Variants in FTCDNL1 observed in about 807,000 individuals in gnomAD.
FTCDNL1 encodes the protein formiminotransferase cyclodeaminase N-terminal like.
Under a neutral mutation model 5.9 loss-of-function variants are expected in FTCDNL1, and 11 were observed. The ratio of observed to expected loss-of-function variants is 1.87; its 90% CI spans 1.18 to 3.10. The LOEUF (loss-of-function observed/expected upper bound fraction) is 3.10. Ranked by LOEUF, FTCDNL1 falls within the 30% of genes most tolerant of loss-of-function variation. The pLI is 0.00. For synonymous variants in FTCDNL1, 58 were observed against 24.8 expected, an observed-to-expected ratio of 2.34 and a Z score of -3.99; for missense variants, 115 against 65.5, an observed-to-expected ratio of 1.76 and a Z score of -2.61.
At chr2:199,698,264 T>G in the FTCDNL1 span, among the ~76,000 whole-genome samples, 1 of 152,276 alleles carries the variant, frequency 6.6e-6, no homozygotes, top group Middle Eastern at 3.4e-3. Context: ...GGACCTAAAC[T>G]TGACACTTGA....
At chr2:199,813,496 G>C (rs1002115877) in intron 4 of FTCDNL1, among the ~76,000 whole-genome samples, 1 of 152,156 alleles carries the variant, frequency 6.6e-6, no homozygotes, top group Non-Finnish European at 1.5e-5. Context: ...TGAGGAGAGA[G>C]CTGGGATGGT....
chr2:199,830,785 A>T (rs1354047205), intron 3 of FTCDNL1, among the ~76,000 whole-genome samples: 1 of 152,230 alleles, frequency 6.6e-6, no homozygotes, highest in Non-Finnish European at 1.5e-5. Flanking sequence ...ACAGAAATTT[A>T]TTGTGCTAGA....
At chr2:199,845,657 T>C (rs972121877) in intron 3 of FTCDNL1, among the ~76,000 whole-genome samples, 3 of 152,098 alleles carry the variant, frequency 2.0e-5, no homozygotes, top group African/African-American at 7.2e-5. Context: ...ATAAGACATG[T>C]CAACTCATGG....
the FTCDNL1 span, among the ~76,000 whole-genome samples, chr2:199,670,165 A>C: frequency 6.6e-6 from 1 of 152,194 alleles, no homozygotes; most frequent in Non-Finnish European, 1.5e-5. Context: ...TAATTTGCAG[A>C]AAGATAATGG....
the FTCDNL1 span, among the ~76,000 whole-genome samples, chr2:199,737,306 A>T: frequency 2.0e-5 from 3 of 152,200 alleles, no homozygotes; most frequent in Non-Finnish European, 4.4e-5. Context: ...ATAAACAATG[A>T]ATGTTAGCCA....
At chr2:199,786,059 GGCA>G (rs1699629086) in intron 3 of FTCDNL1, among the ~76,000 whole-genome samples, 1 of 152,130 alleles carries the variant, frequency 6.6e-6, no homozygotes, top group Non-Finnish European at 1.5e-5. Flanking sequence ...GTGGAGCTCA[GGCA>G]GTAATGCTCG....
At chr2:199,845,314 C>A (rs1357901864) in intron 3 of FTCDNL1, among the ~76,000 whole-genome samples, 2 of 152,054 alleles carry the variant, frequency 1.3e-5, no homozygotes, top group Non-Finnish European at 2.9e-5. Flanking sequence ...ATCCTATAAT[C>A]CCAGCACTTT....
At chr2:199,797,740 T>G (rs1054378843) in intron 3 of FTCDNL1, among the ~76,000 whole-genome samples, 1 of 152,204 alleles carries the variant, frequency 6.6e-6, no homozygotes, top group African/African-American at 2.4e-5. Context: ...CCTGGAATTG[T>G]TTGCACAGAA....
chr2:199,777,832 C>T (rs1193643179), intron 3 of FTCDNL1, among the ~76,000 whole-genome samples: 1 of 152,004 alleles, frequency 6.6e-6, no homozygotes, highest in East Asian at 1.9e-4. Context: ...CTCCCTCCAG[C>T]GCCAAAGGAG....
downstream of FTCDNL1, among the ~76,000 whole-genome samples, chr2:199,755,768 C>T (rs1217188951): frequency 6.6e-6 from 1 of 152,122 alleles, no homozygotes; most frequent in Non-Finnish European, 1.5e-5. Flanking sequence ...TTTTCTGTGC[C>T]ACCATTTCCT....
chr2:199,679,909 T>C, the FTCDNL1 span, among the ~76,000 whole-genome samples: 4 of 152,184 alleles, frequency 2.6e-5, no homozygotes, highest in Non-Finnish European at 5.9e-5. Flanking sequence ...AAAGAAATTA[T>C]TTATTTTATA....
At chr2:199,777,833 G>A (rs1247794626) in intron 3 of FTCDNL1, among the ~76,000 whole-genome samples, 7 of 152,104 alleles carry the variant, frequency 4.6e-5, no homozygotes, top group East Asian at 1.9e-4. Flanking sequence ...TCCCTCCAGC[G>A]CCAAAGGAGG....
intron 3 of FTCDNL1, among the ~76,000 whole-genome samples, chr2:199,762,717 C>T (rs766123695): frequency 5.3e-5 from 8 of 152,070 alleles, no homozygotes; most frequent in African/African-American, 1.4e-4. Flanking sequence ...ATCTGTACAA[C>T]GGCAATAAGA....
At chr2:199,757,568 A>C, downstream of FTCDNL1, among the ~76,000 whole-genome samples, 1 of 152,218 alleles carries the variant, frequency 6.6e-6, no homozygotes, top group East Asian at 1.9e-4. Context: ...ACCAGAAAAA[A>C]AAGCAAACAC....
chr2:199,805,310 G>C (rs1158050900), downstream of FTCDNL1, among the ~76,000 whole-genome samples: 1 of 152,196 alleles, frequency 6.6e-6, no homozygotes, highest in East Asian at 1.9e-4. Context: ...TCAGAAAGTA[G>C]AGTATGGGGC....
rs1475129821 is a variant in FTCDNL1, at chr2:199,760,718, G to C, written c.*95C>G. ...TAAAAAGAATTAAATGGTACTGTGT[G>C]TTGGTTTTCCTCCATGAGTCACCCC... On this transcript the variant is annotated 3_prime_UTR_variant, in exon 4 of 4. Transcript: ENST00000416668. The C allele has an allele frequency of 4.3e-6, 3 of 694,926 alleles. No individual in the cohort carries two copies. The African/African-American group carries it at 5.2e-5, about 12-fold the overall frequency. The allele number at this position is 694,926 out of a possible 1,614,324, so 43.0% of individuals were successfully genotyped here. A position where few individuals can be genotyped will look rare whatever the true frequency, so the allele number is the denominator to read the frequency against.
chr2:199,703,053 T>A, the FTCDNL1 span, among the ~76,000 whole-genome samples: 1 of 152,118 alleles, frequency 6.6e-6, no homozygotes, highest in Non-Finnish European at 1.5e-5. Flanking sequence ...TTTAATTTTA[T>A]TTAATTTTAT....
chr2:199,670,752 G>A, the FTCDNL1 span, among the ~76,000 whole-genome samples: 1 of 152,086 alleles, frequency 6.6e-6, no homozygotes, highest in African/African-American at 2.4e-5. Context: ...AGTTGAACAT[G>A]GCACAAGAGA....
chr2:199,816,927 TG>T (rs1226830326), intron 4 of FTCDNL1, among the ~76,000 whole-genome samples: 1 of 152,250 alleles, frequency 6.6e-6, no homozygotes, highest in Non-Finnish European at 1.5e-5. Flanking sequence ...GTAAGTTCTT[TG>T]AGGACAGATA....
Sources: allele counts gnomAD v4.1 joint callset (sites outside exome capture counted in the v4.1 genomes callset), GRCh38; gene constraint gnomAD v4.1.1; transcripts MANE v1.5; gene names NCBI Gene and HGNC (gene_info 2026-07-23, HGNC 2026-07-21).